Variants in RARB observed in about 807,000 individuals in gnomAD.
RARB encodes the protein HBV-activated protein.
RARB carries 17 observed loss-of-function variants against 51.9 expected under a neutral mutation model. That is an observed-to-expected ratio of 0.33 (90% confidence interval 0.22 to 0.49). The LOEUF is 0.49. RARB is among the 20% of genes least tolerant of loss of function. The probability of loss-of-function intolerance (pLI) is 0.99; values close to 1 mark genes in which losing one functional copy is unlikely to be tolerated. For missense variants in RARB, 369 were observed against 550.8 expected (o/e 0.67, Z 3.30); for synonymous variants, 215 against 195.4 (o/e 1.10, Z -0.84).
chr3:25,596,801 C>T lies in RARB; in HGVS notation c.*185C>T, dbSNP rs1400228191. ...TCACTGTGTAACTTACCTAGAAATA[C>T]AAACTTTTCCAATTTTAAAAAATCA... On this transcript the variant is annotated 3_prime_UTR_variant, in exon 8 of 8. Transcript: ENST00000330688. 6.9e-6 allele frequency: 3 copies of T among 434,472 alleles called. No homozygotes were observed. The highest frequency in any genetic ancestry group is 2.0e-5 in the African/African-American group (1 of 49,438). The allele number at this position is 434,472 out of a possible 1,614,324, so 26.9% of individuals were successfully genotyped here. A position where few individuals can be genotyped will look rare whatever the true frequency, so the allele number is the denominator to read the frequency against.
At chr3:25,089,993 A>C (rs967776217) in intron 3 of RARB, among the ~76,000 whole-genome samples, 2 of 152,162 alleles carry the variant, frequency 1.3e-5, no homozygotes, top group African/African-American at 4.8e-5. Context: ...TGTGACTTCT[A>C]TCCAGGTCTA....
intron 5 of RARB, among the ~76,000 whole-genome samples, chr3:25,334,886 A>G (rs139407736): frequency 4.6e-5 from 7 of 152,270 alleles, no homozygotes; most frequent in East Asian, 3.9e-4. Context: ...GCTTCATTCA[A>G]TTCAAGCTAG....
chr3:25,027,415 A>G (rs899477836), intron 2 of RARB, among the ~76,000 whole-genome samples: 7 of 152,094 alleles, frequency 4.6e-5, no homozygotes, highest in Non-Finnish European at 8.8e-5. Flanking sequence ...TCTAAAATAC[A>G]TCTTCCCCCC....
intron 2 of RARB, among the ~76,000 whole-genome samples, chr3:24,913,248 T>G (rs1204267113): frequency 1.3e-5 from 2 of 152,010 alleles, no homozygotes; most frequent in Non-Finnish European, 2.9e-5. Flanking sequence ...CCTCCCAAAG[T>G]GCTGGGATTA....
chr3:25,365,504 G>A (rs1559373290), intron 5 of RARB, among the ~76,000 whole-genome samples: 1 of 152,002 alleles, frequency 6.6e-6, no homozygotes, highest in African/African-American at 2.4e-5. Context: ...GAACTGAGGG[G>A]CATAAAACAA....
At chr3:25,129,397 C>A (rs1699910548) in intron 3 of RARB, among the ~76,000 whole-genome samples, 1 of 151,920 alleles carries the variant, frequency 6.6e-6, no homozygotes, top group African/African-American at 2.4e-5. Context: ...CCTGAGCTTC[C>A]TTTATTTAAA....
intron 3 of RARB, among the ~76,000 whole-genome samples, chr3:25,568,442 C>G (rs1425956174): frequency 6.6e-6 from 1 of 152,182 alleles, no homozygotes; most frequent in Non-Finnish European, 1.5e-5. Context: ...TGCCCTCCCT[C>G]CTGGTTAGGT....
At chr3:25,091,973 C>G (rs1448229469) in intron 3 of RARB, among the ~76,000 whole-genome samples, 7 of 152,154 alleles carry the variant, frequency 4.6e-5, no homozygotes, top group Non-Finnish European at 1.0e-4. Flanking sequence ...TGTGCTGTTT[C>G]ACTCAAATTA....
chr3:25,317,805 T>C (rs1337457035), intron 5 of RARB, among the ~76,000 whole-genome samples: 2 of 152,226 alleles, frequency 1.3e-5, no homozygotes, highest in Non-Finnish European at 2.9e-5. Flanking sequence ...AACTTAAGGC[T>C]ATTTTGAAAT....
chr3:24,869,129 T>A (rs1290544976), intron 2 of RARB, among the ~76,000 whole-genome samples: 2 of 152,146 alleles, frequency 1.3e-5, no homozygotes, highest in African/African-American at 4.8e-5. Context: ...CTCAATAAGG[T>A]ATAGTCTCTT....
At chr3:25,195,569 C>T (rs375716823) in intron 5 of RARB, among the ~76,000 whole-genome samples, 5 of 151,968 alleles carry the variant, frequency 3.3e-5, no homozygotes, top group African/African-American at 1.2e-4. Flanking sequence ...TTACTGAATT[C>T]CCAAGCATTT....
chr3:25,433,142 A>G (rs989525692), intron 1 of RARB, among the ~76,000 whole-genome samples: 3 of 152,234 alleles, frequency 2.0e-5, no homozygotes, highest in East Asian at 3.8e-4. Flanking sequence ...CAAAGATATT[A>G]ATGTAGATAG....
intron 2 of RARB, among the ~76,000 whole-genome samples, chr3:25,500,902 A>G (rs1224082276): frequency 6.6e-6 from 1 of 152,066 alleles, no homozygotes; most frequent in African/African-American, 2.4e-5. Context: ...AGGGAACCCA[A>G]CTCTGGTGTT....
At chr3:25,175,667 A>G (rs1311183759) in intron 5 of RARB, among the ~76,000 whole-genome samples, 1 of 152,228 alleles carries the variant, frequency 6.6e-6, no homozygotes, top group African/African-American at 2.4e-5. Flanking sequence ...ATAGGCAAAC[A>G]GATGATAGAC....
chr3:25,467,789 A>G (rs1695503585), intron 2 of RARB, among the ~76,000 whole-genome samples: 1 of 152,188 alleles, frequency 6.6e-6, no homozygotes. Flanking sequence ...TTCACCAATC[A>G]TTCATCCTTA....
intron 2 of RARB, among the ~76,000 whole-genome samples, chr3:25,021,199 T>A (rs1179733134): frequency 1.3e-5 from 2 of 152,226 alleles, no homozygotes; most frequent in Non-Finnish European, 2.9e-5. Context: ...AATATATTAC[T>A]AATGCAAATT....
chr3:25,085,672 G>C (rs76763814), intron 3 of RARB, among the ~76,000 whole-genome samples: 1 of 152,010 alleles, frequency 6.6e-6, no homozygotes, highest in Non-Finnish European at 1.5e-5. Flanking sequence ...CTTGTTCAGT[G>C]CCTGCCCAAA....
chr3:25,525,346 A>G (rs1252541183), intron 3 of RARB, among the ~76,000 whole-genome samples: 2 of 152,124 alleles, frequency 1.3e-5, no homozygotes, highest in Non-Finnish European at 2.9e-5. Context: ...GCCGGTGTGG[A>G]AAGAGTGGAG....
In RARB at chr3:24,870,789, T is replaced by C. The variant is rs77560551; in HGVS notation, c.-380+12037T>C. ...TAGGCACATATATTTATAGGATGCG[T>C]GCAATGTTTCTATATAGGCATACAA... is the stretch of plus-strand genomic sequence containing the variant. On this transcript the variant is annotated intron_variant, in intron 2 of 11. Coordinates refer to the RARB transcript ENST00000383772. Among the ~76,000 whole-genome samples, 1,177 of 152,214 alleles carry C rather than the reference T, an allele frequency of 7.7e-3. 17 individuals carry two copies. The highest frequency in any genetic ancestry group is 0.027 in the African/African-American group (1,110 of 41,544).
Sources: gnomAD v4.1 joint callset for allele counts (sites outside exome capture counted in the v4.1 genomes callset) on GRCh38, gnomAD v4.1.1 for gene constraint, MANE v1.5 for transcripts, NCBI Gene and HGNC (gene_info 2026-07-23, HGNC 2026-07-21) for gene names.